RAB31: variants seen among roughly 807,000 people sequenced by gnomAD.
RAB31 encodes the protein RAB31, member RAS oncogene family.
In RAB31, 21 loss-of-function variants were observed where a neutral mutation model predicts 25.6. That is an observed-to-expected ratio of 0.82 (90% CI 0.58 to 1.18). The LOEUF (loss-of-function observed/expected upper bound fraction) is 1.18. Ranked by LOEUF, RAB31 falls within the 50% of genes most tolerant of loss-of-function variation. RAB31 has a pLI of 0.00. For synonymous variants in RAB31, 87 were observed against 84.0 expected, an observed-to-expected ratio of 1.04 and a Z score of -0.20; for missense variants, 196 against 250.1, an observed-to-expected ratio of 0.78 and a Z score of 1.46.
intron 3 of RAB31, among the ~76,000 whole-genome samples, chr18:9,811,625 A>ATGCT (rs2068571435): frequency 6.6e-6 from 1 of 152,194 alleles, no homozygotes; most frequent in African/African-American, 2.4e-5. Context: ...TGCTATACAG[A>ATGCT]TGCTTGTAAG....
At chr18:9,727,923 G>A (rs146129274) in intron 1 of RAB31, among the ~76,000 whole-genome samples, 4 of 151,552 alleles carry the variant, frequency 2.6e-5, no homozygotes, top group African/African-American at 7.3e-5. Context: ...TATCTTTTTT[G>A]TGGTAAGAAT....
intron 1 of RAB31, among the ~76,000 whole-genome samples, chr18:9,771,782 T>C (rs1599032102): frequency 6.6e-6 from 1 of 152,312 alleles, no homozygotes; most frequent in East Asian, 1.9e-4. Flanking sequence ...TTTGCAGAAA[T>C]GTTTCCCTTT....
At chr18:9,772,885 T>G (rs2068352482) in intron 1 of RAB31, among the ~76,000 whole-genome samples, 2 of 148,432 alleles carry the variant, frequency 1.3e-5, no homozygotes, top group Non-Finnish European at 2.9e-5. Context: ...ACAGGGGGTC[T>G]TAAGAACAAC....
chr18:9,751,580 G>A (rs2068235219), intron 1 of RAB31, among the ~76,000 whole-genome samples: 1 of 152,172 alleles, frequency 6.6e-6, no homozygotes, highest in Non-Finnish European at 1.5e-5. Context: ...CCCAGACTCT[G>A]CATGTCCACT....
intron 5 of RAB31, among the ~76,000 whole-genome samples, chr18:9,831,479 CTTCT>C (rs2068678255): frequency 6.6e-6 from 1 of 152,238 alleles, no homozygotes; most frequent in Non-Finnish European, 1.5e-5. Context: ...AACACAGTCC[CTTCT>C]TCAAGGAGCT....
intron 6 of RAB31, among the ~76,000 whole-genome samples, chr18:9,847,213 G>T (rs2068766370): frequency 6.6e-6 from 1 of 152,202 alleles, no homozygotes; most frequent in Non-Finnish European, 1.5e-5. Flanking sequence ...ATTCTCTTCT[G>T]GTGGCGTTAG....
chr18:9,744,408 T>C (rs1599021164), intron 1 of RAB31, among the ~76,000 whole-genome samples: 2 of 152,384 alleles, frequency 1.3e-5, no homozygotes, highest in African/African-American at 4.8e-5. Flanking sequence ...TATATACTTA[T>C]GCTTCTCTGA....
At chr18:9,729,451 A>G (rs1341368958) in intron 1 of RAB31, among the ~76,000 whole-genome samples, 2 of 151,536 alleles carry the variant, frequency 1.3e-5, no homozygotes, top group Non-Finnish European at 2.9e-5. Flanking sequence ...GGCGTAAACC[A>G]GGGAGGGGGA....
intron 3 of RAB31, among the ~76,000 whole-genome samples, chr18:9,812,154 C>A (rs1007734617): frequency 1.3e-5 from 2 of 152,204 alleles, no homozygotes; most frequent in Non-Finnish European, 2.9e-5. Flanking sequence ...CCTCATCTAA[C>A]CCTAATTACC....
chr18:9,854,699 G>C (rs112639458), intron 6 of RAB31, among the ~76,000 whole-genome samples: 78 of 152,256 alleles, frequency 5.1e-4, no homozygotes, highest in African/African-American at 1.8e-3. Context: ...GACAGTGATA[G>C]GGAATAACTT....
At chr18:9,796,514 C>T (rs904917717) in intron 3 of RAB31, among the ~76,000 whole-genome samples, 2 of 151,908 alleles carry the variant, frequency 1.3e-5, no homozygotes, top group East Asian at 1.9e-4. Context: ...TAAAATCCAC[C>T]TGTTATTTGG....
chr18:9,855,900 C>T (rs891648006), intron 6 of RAB31: 2 of 152,138 alleles, frequency 1.3e-5, no homozygotes, highest in African/African-American at 4.8e-5. Flanking sequence ...GCCCAGAAGC[C>T]CTCAACTGCT....
intron 1 of RAB31, among the ~76,000 whole-genome samples, chr18:9,747,562 T>A (rs1474645220): frequency 6.6e-6 from 1 of 152,246 alleles, no homozygotes; most frequent in Non-Finnish European, 1.5e-5. Context: ...TGGTACAATG[T>A]GGATGAACCT....
intron 1 of RAB31, chr18:9,735,634 T>G (rs1338232656): frequency 1.9e-5 from 3 of 155,732 alleles, no homozygotes; most frequent in Non-Finnish European, 4.3e-5. Flanking sequence ...TTCTACAAAG[T>G]CTCTTAAGGT....
At chr18:9,742,151 A>G (rs1027847658) in intron 1 of RAB31, among the ~76,000 whole-genome samples, 1 of 152,100 alleles carries the variant, frequency 6.6e-6, no homozygotes, top group Non-Finnish European at 1.5e-5. Context: ...CTGGATTGAG[A>G]GTTGCAACTG....
At chr18:9,774,923 C>T (rs752817733) in intron 1 of RAB31, 5 of 523,460 alleles carry the variant, frequency 9.6e-6, no homozygotes, top group Non-Finnish European at 1.9e-5. Flanking sequence ...CTGTTTCTGC[C>T]CAAACAATGT....
chr18:9,832,801 T>C (rs2068685646), intron 5 of RAB31, among the ~76,000 whole-genome samples: 1 of 151,878 alleles, frequency 6.6e-6, no homozygotes, highest in Non-Finnish European at 1.5e-5. Context: ...GAGGGGGAGA[T>C]TGGAAAAGCA....
chr18:9,775,258 G>T lies in RAB31; in HGVS notation c.40-20G>T, dbSNP rs1229298994. On this transcript the variant is annotated intron_variant, in intron 1 of 6. Transcript: ENST00000578921. The stretch of plus-strand genomic sequence containing the variant: ...GTTGCCGCCCTTCATCTTCACGGTT[G>T]TATCCTCATTCTTTCCTAGGACACT... 1.2e-6 allele frequency: 2 copies of T among 1,613,660 alleles called. No homozygotes were observed. The highest frequency in any genetic ancestry group is 3.3e-5 in the Admixed American group (2 of 59,998).
chr18:9,778,282 G>A (rs1346167405), intron 2 of RAB31, among the ~76,000 whole-genome samples: 1 of 152,176 alleles, frequency 6.6e-6, no homozygotes, highest in Non-Finnish European at 1.5e-5. Context: ...TGTGCATGGA[G>A]GGAGGGTCGG....
Sources: allele counts gnomAD v4.1 joint callset (sites outside exome capture counted in the v4.1 genomes callset), GRCh38; gene constraint gnomAD v4.1.1; transcripts MANE v1.5; gene names NCBI Gene and HGNC (gene_info 2026-07-23, HGNC 2026-07-21).